Variants in PHIP observed in about 807,000 individuals in gnomAD.
PHIP encodes PHIP subunit of CUL4-Ring ligase complex.
PHIP carries 54 observed loss-of-function variants against 236.8 expected under a neutral mutation model. The observed-to-expected ratio is 0.23, with a 90% confidence interval of 0.18 to 0.29. The LOEUF (loss-of-function observed/expected upper bound fraction) is 0.29. Ranked by LOEUF, PHIP falls within the 10% of genes least tolerant of loss-of-function variation. PHIP has a pLI of 1.00. For synonymous variants in PHIP, 756 were observed against 718.9 expected (o/e 1.05, Z -0.83); for missense variants, 1,370 against 2,190.8 (o/e 0.63, Z 7.48).
At chr6:79,077,675 C>G in intron 3 of PHIP, 25 bp downstream of exon 3, 1 of 977,274 alleles carries the variant, frequency 1.0e-6, no homozygotes, top group Non-Finnish European at 1.2e-6. Flanking sequence ...GGCGGCGGGA[C>G]GCGCCGGGCC....
chr6:78,983,015 A>G lies in PHIP; in HGVS notation c.2640T>C (p.Ser880=), dbSNP rs748557069. The G allele has an allele frequency of 4.3e-6, 7 of 1,611,062 alleles. No individual in the cohort carries two copies. The highest frequency in any genetic ancestry group is 5.9e-6 in the Non-Finnish European group (7 of 1,178,418). The change falls in exon 23 of 40, where the codon AGT becomes AGC. Residue 880 remains serine, a synonymous_variant. Transcript: ENST00000275034. ...PKNKTKKAES[S]SDEEEESEKQ... is the part of the protein sequence containing the mutation. ...TTTCAGATTCTTCTTCTTCATCTGA[A>G]CTGCTTTCTGCTTTCTTGGTTTTAT...
At chr6:79,055,773 T>C (rs1361622501) in intron 6 of PHIP, among the ~76,000 whole-genome samples, 2 of 152,228 alleles carry the variant, frequency 1.3e-5, no homozygotes, top group African/African-American at 4.8e-5. Flanking sequence ...AAGAAAACAC[T>C]GAGACAAGCT....
chr6:78,983,269 A>G, intron 22 of PHIP, 152 bp from the exon 23 acceptor site: 2 of 445,004 alleles, frequency 4.5e-6, no homozygotes, highest in Non-Finnish European at 7.7e-6. Context: ...CTCATCTTCA[A>G]AAGTTTCTTG....
At chr6:78,952,222 C>A (rs1441389678) in intron 35 of PHIP, among the ~76,000 whole-genome samples, 2 of 151,968 alleles carry the variant, frequency 1.3e-5, no homozygotes, top group African/African-American at 4.8e-5. Flanking sequence ...AGATTGAGAC[C>A]ATCCTGGCCA....
chr6:79,051,562 T>C (rs1332690092), intron 6 of PHIP, among the ~76,000 whole-genome samples: 1 of 152,158 alleles, frequency 6.6e-6, no homozygotes, highest in Non-Finnish European at 1.5e-5. Flanking sequence ...CACCTCCTGT[T>C]TGAAACATAC....
At chr6:79,036,689 A>T (rs1041446131) in intron 7 of PHIP, among the ~76,000 whole-genome samples, 3 of 152,020 alleles carry the variant, frequency 2.0e-5, no homozygotes, top group African/African-American at 7.2e-5. Context: ...TTGGAGGCCG[A>T]GGCGGGTAGA....
At position 78,946,717 on chromosome 6, in the gene PHIP, G is replaced by T; in HGVS notation, c.4364C>A (p.Ala1455Glu). Reference sequence around the variant, plus strand: ...TTTAAAAGAAATTAAATACCTTGATGCAGCACTACTGGAAACAGAGCTGCT... The same window carrying T: ...TTTAAAAGAAATTAAATACCTTGATTCAGCACTACTGGAAACAGAGCTGCT... The part of the protein sequence containing the change: ...NRSSSVSSSA[A>E]SSPERKKRIL... Residue 1455 changes from alanine to glutamate, a missense_variant, in exon 37 of 40, where the codon GCA becomes GAA. By Grantham distance (107) the Ala-to-Glu change is moderately radical (BLOSUM62 -1). Transcript: ENST00000275034. 1 of 1,558,672 alleles carries T rather than the reference G, an allele frequency of 6.4e-7. No homozygotes were observed. Among genetic ancestry groups the T allele is most frequent in the Non-Finnish European group, 8.6e-7 (1 of 1,161,604 alleles).
chr6:79,016,716 C>G (rs1770847869), intron 12 of PHIP, 74 bp from the exon 13 acceptor site: 1 of 874,056 alleles, frequency 1.1e-6, no homozygotes, highest in Non-Finnish European at 1.8e-6. Context: ...TCCCAGAGAT[C>G]TTGTTTAAAA....
In PHIP at chr6:78,983,076, C is replaced by A; in HGVS notation, c.2579G>T (p.Gly860Val). Residue 860 changes from glycine to valine, a missense_variant, in exon 23 of 40, where the codon GGA (glycine) becomes GTA (valine). By Grantham distance (109) the Gly-to-Val change is moderately radical. Transcript: ENST00000275034. ...TTTCTTTGGTGGCTGCAGATTAATT[C>A]CTGCATCTGCTGTCCAGTCAGAGTA... Reference protein sequence around the residue: ...SDYSDWTADAGINLQPPKKVP... With the variant: ...SDYSDWTADAVINLQPPKKVP... 1 of 1,610,756 alleles carries A rather than the reference C, an allele frequency of 6.2e-7. No homozygotes were observed. The highest frequency in any genetic ancestry group is 8.5e-7 in the Non-Finnish European group (1 of 1,178,560).
chr6:79,049,816 G>A lies in PHIP; in HGVS notation c.440-6813C>T, dbSNP rs1331024649. ...CTCCAAGTTCATTAGTTCATTACAA[G>A]TCCAAATAGTTGTCTATATATGGTG... On this transcript the variant is annotated intron_variant, in intron 6 of 39. Transcript: ENST00000275034. Among the ~76,000 whole-genome samples the A allele has an allele frequency of 2.0e-5, 3 of 152,110 alleles. No individual in the cohort carries two copies. The East Asian group carries it at 5.8e-4, about 29-fold the overall frequency.
At chr6:79,022,908 A>G (rs1475266446) in intron 9 of PHIP, among the ~76,000 whole-genome samples, 1 of 152,260 alleles carries the variant, frequency 6.6e-6, no homozygotes, top group Non-Finnish European at 1.5e-5. Flanking sequence ...AATATACAAA[A>G]GCATTATAGC....
chr6:79,058,268 G>GTATATAGGGTTCTGTATATA (rs1277117798), intron 6 of PHIP, among the ~76,000 whole-genome samples: 1 of 151,956 alleles, frequency 6.6e-6, no homozygotes, highest in Non-Finnish European at 1.5e-5. Flanking sequence ...TTTGCCATAC[G>GTATATAGGGTTCTGTATATA]TATATATAGG....
Position 78,961,823 on chromosome 6 carries a change from G to A in PHIP, c.3536-13C>T, listed in dbSNP as rs770374637. On this transcript the variant is annotated splice_polypyrimidine_tract_variant and intron_variant, in intron 30 of 39. Transcript: ENST00000275034. ...GCTGAGGCAATATCTAAAATAAATA[G>A]ATAAGTTTGTAAATTTATTTTTGTA... The A allele has an allele frequency of 1.9e-6, 3 of 1,583,264 alleles. No individual in the cohort carries two copies. Among genetic ancestry groups the A allele is most frequent in the Non-Finnish European group, 2.6e-6 (3 of 1,164,964 alleles).
At chr6:79,008,043 C>G (rs915671941) in intron 15 of PHIP, among the ~76,000 whole-genome samples, 1 of 123,786 alleles carries the variant, frequency 8.1e-6, no homozygotes, top group Non-Finnish European at 1.7e-5. Context: ...GTCCCAGCTA[C>G]TTGGGAGGCT....
Position 78,935,489 on chromosome 6 carries a change from T to C in PHIP, c.*5204A>G. 1 of 978,444 alleles carries C rather than the reference T, an allele frequency of 1.0e-6. No individual in the cohort carries two copies. Among genetic ancestry groups the C allele is most frequent in the Non-Finnish European group, 1.2e-6 (1 of 823,590 alleles). 60.6% of individuals were successfully genotyped at this position (978,444 alleles called of 1,614,324 possible). On this transcript the variant is annotated 3_prime_UTR_variant, in exon 40 of 40. Transcript: ENST00000275034. ...TTGCACATTTTTGAGAAAATATTTA[T>C]GCAAAGTGTTCCACTGAAATGTATC...
At chr6:79,019,428 A>G (rs1426186309) in intron 9 of PHIP, among the ~76,000 whole-genome samples, 1 of 152,098 alleles carries the variant, frequency 6.6e-6, no homozygotes, top group Non-Finnish European at 1.5e-5. Context: ...TGCAGTTACT[A>G]GTTACACTTA....
At chr6:79,060,385 G>C (rs1773313950) in intron 6 of PHIP, 93 bp downstream of exon 6, 2 of 745,086 alleles carry the variant, frequency 2.7e-6, no homozygotes, top group East Asian at 5.4e-5. Context: ...ATAATATGAA[G>C]TTCTCTAATA....
In PHIP at chr6:79,048,448, AT is replaced by A. The variant is rs1448915591; in HGVS notation, c.440-5446del. Reference sequence around the variant, plus strand: ...TTTGAAGGCACTAGAAAAATACATGATAAAAAAAACCCTGCAAATAAGTACT... The same window carrying A: ...TTTGAAGGCACTAGAAAAATACATGAAAAAAAAACCCTGCAAATAAGTACT... On this transcript the variant is annotated intron_variant, in intron 6 of 39. Coordinates refer to ENST00000275034, the MANE Select transcript of PHIP (RefSeq NM_017934.7). 5.3e-5 allele frequency among the ~76,000 whole-genome samples: 8 copies of A among 152,156 alleles called. No individual in the cohort carries two copies. The East Asian group carries it at 1.5e-3, about 29-fold the overall frequency.
chr6:79,037,529 A>C (rs995541365), intron 7 of PHIP, among the ~76,000 whole-genome samples: 6 of 152,188 alleles, frequency 3.9e-5, no homozygotes, highest in Non-Finnish European at 8.8e-5. Context: ...CAAGATCTTC[A>C]AACTAAGATC....
Sources: gnomAD v4.1 joint callset for allele counts (sites outside exome capture counted in the v4.1 genomes callset) on GRCh38, gnomAD v4.1.1 for gene constraint, MANE v1.5 for transcripts, NCBI Gene and HGNC (gene_info 2026-07-23, HGNC 2026-07-21) for gene names.